The following MAP7 variants were observed in gnomAD, a reference collection of about 807,000 sequenced individuals.
The protein encoded by MAP7 is ensconsin.
MAP7 carries 52 observed loss-of-function variants against 94.8 expected under a neutral mutation model. The ratio of observed to expected loss-of-function variants is 0.55; its 90% CI spans 0.44 to 0.69. The LOEUF is 0.69. MAP7 is among the 30% of genes least tolerant of loss of function. The probability of loss-of-function intolerance (pLI) is 0.00; values close to 1 mark genes in which losing one functional copy is unlikely to be tolerated. For missense variants in MAP7, 940 were observed against 964.6 expected (o/e 0.97, Z 0.34); for synonymous variants, 350 against 357.0 (o/e 0.98, Z 0.22).
At chr6:136,406,861 G>C (rs73565430) in intron 3 of MAP7, among the ~76,000 whole-genome samples, 2,434 of 151,988 alleles carry the variant, frequency 0.016, 41 homozygotes, top group East Asian at 0.039. Flanking sequence ...ACAACAAAAG[G>C]GTAATAGGGC....
chr6:136,389,331 ATTCT>A lies in MAP7; in HGVS notation c.408+19_408+22del. The stretch of plus-strand genomic sequence containing the variant: ...TGTCTGAACTAGAGGAGCCACTCAT[ATTCT>A]TCCCGGGGGGCGGCTCACTTTGTCC... On this transcript the variant is annotated intron_variant, in intron 4 of 17. Transcript: ENST00000354570. 6.6e-7 allele frequency: 1 copy of A among 1,519,266 alleles called. No homozygotes were observed. The highest frequency in any genetic ancestry group is 8.8e-7 in the Non-Finnish European group (1 of 1,139,014). 94.1% of individuals were successfully genotyped at this position (1,519,266 alleles called of 1,614,324 possible).
rs1411907019 is a variant in MAP7 at position 136,356,733 on chromosome 6, T to A, written c.1974A>T (p.Pro658=). 6.2e-7 allele frequency: 1 copy of A among 1,614,190 alleles called. No homozygotes were observed. Among genetic ancestry groups the A allele is most frequent in the Admixed American group, 1.7e-5 (1 of 60,020 alleles). Residue 658 remains proline, a synonymous_variant, in exon 16 of 18, where the codon CCA becomes CCT. Coordinates refer to ENST00000354570, the MANE Select transcript of MAP7 (RefSeq NM_003980.6). ...TTGACTGGTGTGAGGTAACCACATG[T>A]GGGCTGCCAACTGGCTTTCCATTTC... ...APGNGKPVGS[P]HVVTSHQSKV... is the part of the protein sequence containing the mutation.
rs10562140 is a variant in MAP7, at chr6:136,431,492, CTTTATTTATTTATTTA to C, written c.68-9709_68-9694del. ...CCCAATAAATATCAACTTTTTAATG[CTTTATTTATTTATTTA>C]TTTATTTATTTATTTATTTAATTTT... On this transcript the variant is annotated intron_variant, in intron 1 of 17. Coordinates refer to ENST00000354570, the MANE Select transcript of MAP7 (RefSeq NM_003980.6). Among the ~76,000 whole-genome samples, 4 of 145,352 alleles carry C rather than the reference CTTTATTTATTTATTTA, an allele frequency of 2.8e-5. No individual in the cohort carries two copies. The South Asian group carries it at 6.6e-4, about 24-fold the overall frequency.
chr6:136,473,989 G>A (rs372212015), intron 1 of MAP7, among the ~76,000 whole-genome samples: 2 of 151,846 alleles, frequency 1.3e-5, no homozygotes. Context: ...GGGAGGAGGA[G>A]ATGTTTGTGG....
intron 1 of MAP7, among the ~76,000 whole-genome samples, chr6:136,524,111 G>A (rs1827177165): frequency 1.3e-5 from 2 of 152,100 alleles, no homozygotes; most frequent in Admixed American, 1.3e-4. Context: ...GGGCATGGTG[G>A]CAGGTGCCTG....
chr6:136,378,235 G>A (rs750743702), intron 6 of MAP7, among the ~76,000 whole-genome samples: 2 of 152,214 alleles, frequency 1.3e-5, no homozygotes, highest in Non-Finnish European at 2.9e-5. Flanking sequence ...GGGATGGGCA[G>A]TAGACTGATG....
intron 5 of MAP7, among the ~76,000 whole-genome samples, chr6:136,384,015 G>A (rs1778498068): frequency 6.6e-6 from 1 of 152,196 alleles, no homozygotes; most frequent in South Asian, 2.1e-4. Context: ...GTCAGCCATG[G>A]AAATTCAAGG....
At chr6:136,505,206 T>C (rs113020976) in intron 1 of MAP7, among the ~76,000 whole-genome samples, 2,001 of 148,446 alleles carry the variant, frequency 0.013, 48 homozygotes, top group African/African-American at 0.047. Flanking sequence ...AGTATCTTCC[T>C]GAACACTGTT....
At chr6:136,359,766 A>T (rs755308723) in intron 15 of MAP7, 54 bp downstream of exon 15, 2 of 1,503,414 alleles carry the variant, frequency 1.3e-6, no homozygotes, top group Non-Finnish European at 1.8e-6. Flanking sequence ...ACCCCTGGAG[A>T]GTCAATTTAA....
rs143710905 is a variant in MAP7, at chr6:136,498,302, G to T, written c.67+52040C>A. ...AAACTGTGATGTTCATCATCAGCAT[G>T]ATGATAGGATAGGAGTAGAGGGAAT... On this transcript the variant is annotated intron_variant, in intron 1 of 17. Transcript: ENST00000354570. Among the ~76,000 whole-genome samples the T allele has an allele frequency of 5.3e-5, 8 of 152,168 alleles. No individual in the cohort carries two copies. In the East Asian group the frequency reaches 1.4e-3, roughly 26 times the overall value.
intron 16 of MAP7, among the ~76,000 whole-genome samples, chr6:136,352,028 G>A (rs549438956): frequency 6.6e-6 from 1 of 152,076 alleles, no homozygotes; most frequent in African/African-American, 2.4e-5. Flanking sequence ...TGGATCTCTG[G>A]CAAGTTCTGC....
At chr6:136,389,274 T>C in intron 4 of MAP7, 80 bp downstream of exon 4, 2 of 1,494,258 alleles carry the variant, frequency 1.3e-6, no homozygotes, top group Non-Finnish European at 1.8e-6. Context: ...ACCCTGCACC[T>C]GACTGCAAAG....
At chr6:136,468,810 C>T (rs1807985150) in intron 1 of MAP7, among the ~76,000 whole-genome samples, 2 of 152,130 alleles carry the variant, frequency 1.3e-5, no homozygotes, top group Non-Finnish European at 2.9e-5. Context: ...GCTGCAGCAT[C>T]TACCCTCCCT....
At chr6:136,393,371 TG>T (rs1933402906) in intron 3 of MAP7, among the ~76,000 whole-genome samples, 1 of 152,068 alleles carries the variant, frequency 6.6e-6, no homozygotes, top group Non-Finnish European at 1.5e-5. Flanking sequence ...GTTGGAACTG[TG>T]TGGGGGGAAG....
intron 3 of MAP7, among the ~76,000 whole-genome samples, chr6:136,393,978 A>AAT (rs1554242697): frequency 0.085 from 3,060 of 36,046 alleles, 344 homozygotes; most frequent in Non-Finnish European, 0.14. Flanking sequence ...CAGCAAAGGT[A>AAT]TTTTTTTTTT....
At chr6:136,419,929 A>C (rs983482461) in intron 2 of MAP7, 1 of 603,806 alleles carries the variant, frequency 1.7e-6, no homozygotes, top group African/African-American at 1.8e-5. Flanking sequence ...GTATTTTTCT[A>C]TTTCTTCCTC....
intron 17 of MAP7, among the ~76,000 whole-genome samples, chr6:136,344,517 A>C (rs1347266095): frequency 6.6e-6 from 1 of 152,344 alleles, no homozygotes; most frequent in South Asian, 2.1e-4. Flanking sequence ...TTAGGGGTTT[A>C]AACATTCATT....
At chr6:136,390,226 T>G (rs1780319085) in intron 3 of MAP7, among the ~76,000 whole-genome samples, 1 of 152,224 alleles carries the variant, frequency 6.6e-6, no homozygotes, top group East Asian at 1.9e-4. Context: ...AATATGCTGC[T>G]TCCTTCAGCG....
At chr6:136,510,803 T>C (rs1480651733) in intron 1 of MAP7, among the ~76,000 whole-genome samples, 1 of 152,058 alleles carries the variant, frequency 6.6e-6, no homozygotes, top group Non-Finnish European at 1.5e-5. Flanking sequence ...AGAAAAAACA[T>C]AGTATATACA....
Sources: allele counts gnomAD v4.1 joint callset (sites outside exome capture counted in the v4.1 genomes callset), GRCh38; gene constraint gnomAD v4.1.1; transcripts MANE v1.5; gene names NCBI Gene and HGNC (gene_info 2026-07-23, HGNC 2026-07-21).